MUC6: variants seen among roughly 807,000 people sequenced by gnomAD.
MUC6 encodes mucin-6.
Under a neutral mutation model 201.5 loss-of-function variants are expected in MUC6, and 188 were observed. The observed-to-expected ratio is 0.93, with a 90% CI of 0.83 to 1.05. MUC6 has a LOEUF of 1.05. Among genes scored for constraint, MUC6 ranks in the 50% least tolerant of loss-of-function variants. MUC6 has a pLI of 0.00. For synonymous variants in MUC6, 1,228 were observed against 1,389.4 expected (o/e 0.88, Z 2.58); for missense variants, 2,706 against 3,256.9 (o/e 0.83, Z 4.12).
chr11:1,018,514 G>C lies in MUC6; in HGVS notation c.4287C>G (p.Ala1429=), dbSNP rs1282776521. The change falls in exon 31 of 33, where the codon GCC becomes GCG. Residue 1429 remains alanine (A), a synonymous_variant. Transcript: ENST00000421673. ...TGPVTATSFH[A]TTTYPTPSHP... ...GTGATGGGGTTGGATAGGTAGTGGT[G>C]GCATGGAAAGATGTTGCAGTGACAG... The C allele has an allele frequency of 6.2e-7, 1 of 1,613,858 alleles. No individual in the cohort carries two copies. Among genetic ancestry groups the C allele is most frequent in the Non-Finnish European group, 8.5e-7 (1 of 1,179,780 alleles).
chr11:1,030,128 CG>C (rs1021793083), intron 8 of MUC6, 84 bp downstream of exon 8: 20 of 1,312,628 alleles, frequency 1.5e-5, no homozygotes, highest in Non-Finnish European at 1.9e-5. Context: ...TGACCTGGGT[CG>C]GGGTGGGTGG....
Position 1,033,000 on chromosome 11 carries a change from G to C in MUC6, c.115+13C>G. 6.3e-7 allele frequency: 1 copy of C among 1,575,796 alleles called. No individual in the cohort carries two copies. Among genetic ancestry groups the C allele is most frequent in the South Asian group, 1.1e-5 (1 of 88,482 alleles). On this transcript the variant is annotated intron_variant, in intron 2 of 32. Coordinates refer to ENST00000421673, the MANE Select transcript of MUC6 (RefSeq NM_005961.3). ...GGTCTGGGCGGCAGGATCAGTGGCC[G>C]CTGTGTTCTTACCTGTCTGTGGAGA... is the stretch of plus-strand genomic sequence containing the variant.
chr11:1,021,335 T>A, intron 26 of MUC6, 58 bp from the exon 27 acceptor site: 1 of 1,263,014 alleles, frequency 7.9e-7, no homozygotes, highest in Non-Finnish European at 1.1e-6. Context: ...CCCACCTGCG[T>A]GTTTCCTGCC....
At chr11:1,029,720 G>A (rs1014981372) in intron 8 of MUC6, 105 bp from the exon 9 acceptor site, 55 of 1,402,618 alleles carry the variant, frequency 3.9e-5, no homozygotes, top group South Asian at 3.0e-4. Context: ...CCAGGGAGAC[G>A]CCCCCTCCAG....
chr11:1,033,093 G>A lies in MUC6; in HGVS notation c.53-18C>T, dbSNP rs754961760. On this transcript the variant is annotated intron_variant, in intron 1 of 32. Coordinates refer to ENST00000421673, the MANE Select transcript of MUC6 (RefSeq NM_005961.3). The surrounding 1 kb of genome is among the most constrained non-coding windows in gnomAD (Gnocchi z 5.6). The stretch of plus-strand genomic sequence containing the variant: ...AGCCAGACCTGTGTGGACGGGACCC[G>A]CAGTCGGTGTGGGGCTACCCCGTCG... 11 of 1,612,810 alleles carry A rather than the reference G, an allele frequency of 6.8e-6. No individual in the cohort carries two copies. The highest frequency in any genetic ancestry group is 2.2e-5 in the East Asian group (1 of 44,866).
intron 26 of MUC6, among the ~76,000 whole-genome samples, chr11:1,021,482 T>C (rs1856806862): frequency 6.6e-6 from 1 of 151,434 alleles, no homozygotes; most frequent in Admixed American, 6.6e-5. Context: ...ATGATTCTCC[T>C]GCCCCAGCCT....
At chr11:1,014,513 G>A (rs1286719898) in intron 31 of MUC6, among the ~76,000 whole-genome samples, 2 of 152,214 alleles carry the variant, frequency 1.3e-5, no homozygotes, top group Non-Finnish European at 2.9e-5. Context: ...GAAGGGGCGG[G>A]GTGGGGGCCC....
intron 22 of MUC6, 54 bp from the exon 23 acceptor site, chr11:1,025,421 A>G: frequency 1.3e-6 from 2 of 1,571,942 alleles, no homozygotes; most frequent in Non-Finnish European, 1.7e-6. Flanking sequence ...GGCCCCTGGC[A>G]CAGCCGTGCT....
chr11:1,013,195 G>T lies in MUC6; in HGVS notation c.*261C>A. On this transcript the variant is annotated 3_prime_UTR_variant, in exon 33 of 33. Coordinates refer to ENST00000421673, the MANE Select transcript of MUC6 (RefSeq NM_005961.3). Reference sequence around the variant, plus strand: ...GGGCAGGGGTGGTCGGGAGTGCCCTGTGTGCCTGGGAGGTCCGTGACCACT... The same window carrying T: ...GGGCAGGGGTGGTCGGGAGTGCCCTTTGTGCCTGGGAGGTCCGTGACCACT... 3.7e-6 allele frequency: 2 copies of T among 535,076 alleles called. No homozygotes were observed. Among genetic ancestry groups the T allele is most frequent in the Non-Finnish European group, 6.6e-6 (2 of 304,942 alleles). The allele number at this position is 535,076 out of a possible 1,614,324, so 33.1% of individuals were successfully genotyped here.
chr11:1,027,852 G>C lies in MUC6; in HGVS notation c.1849-35C>G, dbSNP rs199872645. On this transcript the variant is annotated intron_variant, in intron 15 of 32. Transcript: ENST00000421673. ...GAGAGCCAGCATGGGCTGGTGGCAGGCACCCTGCCCTGGGGACATGGGGGT... is the reference window on the plus strand; with the variant it reads ...GAGAGCCAGCATGGGCTGGTGGCAGCCACCCTGCCCTGGGGACATGGGGGT... 1.0e-4 allele frequency: 160 copies of C among 1,602,614 alleles called. No homozygotes were observed. The African/African-American group carries it at 2.0e-3, about 20-fold the overall frequency.
At chr11:1,030,019 G>A (rs1027645140) in intron 8 of MUC6, among the ~76,000 whole-genome samples, 194 bp downstream of exon 8, 3 of 152,202 alleles carry the variant, frequency 2.0e-5, no homozygotes, top group African/African-American at 2.4e-5. Flanking sequence ...AGGGGTGGCC[G>A]TGGCTGGGGG....
chr11:1,015,602 G>A (rs755034447), intron 31 of MUC6, among the ~76,000 whole-genome samples, 160 bp downstream of exon 31: 11 of 152,158 alleles, frequency 7.2e-5, no homozygotes, highest in Non-Finnish European at 7.3e-5. Context: ...GTGCCCAGGA[G>A]AGGAGAGTGG....
chr11:1,015,869 G>T lies in MUC6; in HGVS notation c.6932C>A (p.Thr2311Asn). Residue 2311 changes from threonine (T) to asparagine (N), a missense_variant, in exon 31 of 33, where the codon ACC (threonine) becomes AAC (asparagine). Physicochemically the swap from Thr to Asn is moderately conservative, Grantham distance 65. Transcript: ENST00000421673. The part of the protein sequence containing the change: ...TNLTTRHPGP[T>N]LSPTTRFLTS... Reference sequence around the variant, plus strand: ...CAGGAACCGTGTGGTAGGCGACAAGGTGGGACCAGGGTGCCTGGTGGTAAG... The same window carrying T: ...CAGGAACCGTGTGGTAGGCGACAAGTTGGGACCAGGGTGCCTGGTGGTAAG... 1 of 1,608,556 alleles carries T rather than the reference G, an allele frequency of 6.2e-7. No homozygotes were observed.
chr11:1,035,164 C>T (rs189016342), intron 1 of MUC6, among the ~76,000 whole-genome samples: 164 of 152,350 alleles, frequency 1.1e-3, no homozygotes, highest in African/African-American at 3.8e-3. Flanking sequence ...ACTCTGCTGG[C>T]TGAGGCCCCT....
chr11:1,016,447 G>A lies in MUC6; in HGVS notation c.6354C>T (p.Thr2118=). 5 of 1,613,880 alleles carry A rather than the reference G, an allele frequency of 3.1e-6. No homozygotes were observed. Among genetic ancestry groups the A allele is most frequent in the Non-Finnish European group, 4.2e-6 (5 of 1,179,852 alleles). The change falls in exon 31 of 33, where the codon ACC becomes ACT. Residue 2118 remains threonine (T), a synonymous_variant. Transcript: ENST00000421673. ...GCTGATTAGTTGTGGAAACAGGAGTGGTTGCAGAACTCAAGTGGGGGAGTT... is the reference window on the plus strand; with the variant it reads ...GCTGATTAGTTGTGGAAACAGGAGTAGTTGCAGAACTCAAGTGGGGGAGTT... ...TTQLPHLSSA[T]TPVSTTNQLS... is the part of the protein sequence containing the mutation.
At chr11:1,013,803 G>A (rs1419630533) in intron 32 of MUC6, 96 bp downstream of exon 32, 31 of 1,416,868 alleles carry the variant, frequency 2.2e-5, no homozygotes, top group Non-Finnish European at 1.4e-5. Flanking sequence ...CACCTGATGG[G>A]GCAGCAGGCG....
chr11:1,013,859 C>T, intron 32 of MUC6, 40 bp downstream of exon 32: 6 of 1,564,736 alleles, frequency 3.8e-6, no homozygotes, highest in Non-Finnish European at 5.2e-6. Context: ...TTGTGAGCAC[C>T]TTGGTGGACG....
intron 2 of MUC6, 132 bp downstream of exon 2, chr11:1,032,881 G>A (rs574100698): frequency 7.1e-6 from 5 of 702,006 alleles, no homozygotes; most frequent in African/African-American, 5.3e-5. Context: ...ATGTGCATGT[G>A]TGTTCATGTT....
In MUC6 at chr11:1,016,044, T is replaced by C; in HGVS notation, c.6757A>G (p.Arg2253Gly). The change falls in exon 31 of 33, where the codon AGG becomes GGG. Residue 2253 changes from arginine to glycine, a missense_variant. Coordinates refer to ENST00000421673, the MANE Select transcript of MUC6 (RefSeq NM_005961.3). The stretch of plus-strand genomic sequence containing the variant: ...GCGGTGTGGGTGCTGGCCGTGGTCC[T>C]GGGCGTGGACGGAAATGCAATGGTG... ...SSTIAFPSTP[R>G]TTASTHTAPA... The C allele has an allele frequency of 6.2e-7, 1 of 1,611,536 alleles. No individual in the cohort carries two copies. The highest frequency in any genetic ancestry group is 8.5e-7 in the Non-Finnish European group (1 of 1,178,332).
Sources: gnomAD v4.1 joint callset for allele counts (sites outside exome capture counted in the v4.1 genomes callset) on GRCh38, gnomAD v4.1.1 for gene constraint, Gnocchi (gnomAD v3.1) non-coding constraint, MANE v1.5 for transcripts, NCBI Gene and HGNC (gene_info 2026-07-23, HGNC 2026-07-21) for gene names.